Variants in SNTB1 observed in about 807,000 individuals in gnomAD.
SNTB1 encodes the protein beta-1-syntrophin.
SNTB1 carries 36 observed loss-of-function variants against 48.9 expected under a neutral mutation model. That is an observed-to-expected ratio of 0.74 (90% CI 0.56 to 0.97). The LOEUF is 0.97. Among genes scored for constraint, SNTB1 ranks in the 50% least tolerant of loss-of-function variants. SNTB1 has a pLI of 0.00. For synonymous variants in SNTB1, 299 were observed against 294.6 expected (o/e 1.01, Z -0.15); for missense variants, 786 against 703.4 (o/e 1.12, Z -1.33).
chr8:120,779,920 T>C (rs79642242), intron 1 of SNTB1, among the ~76,000 whole-genome samples: 2,793 of 152,128 alleles, frequency 0.018, 97 homozygotes, highest in African/African-American at 0.064. Flanking sequence ...GAGGGTTGTC[T>C]GCAAAAAACA....
intron 2 of SNTB1, among the ~76,000 whole-genome samples, chr8:120,658,556 G>A (rs1167170274): frequency 3.9e-5 from 6 of 152,174 alleles, no homozygotes; most frequent in Admixed American, 3.9e-4. Flanking sequence ...GCATGTAAGA[G>A]TTATGTTTAT....
intron 4 of SNTB1, among the ~76,000 whole-genome samples, chr8:120,559,950 A>AT (rs996339775): frequency 1.3e-5 from 2 of 152,210 alleles, no homozygotes; most frequent in East Asian, 3.9e-4. Context: ...AGAAAAAAAA[A>AT]ACAACTGGCC....
chr8:120,595,902 C>T (rs1816314785), intron 3 of SNTB1, among the ~76,000 whole-genome samples: 1 of 152,184 alleles, frequency 6.6e-6, no homozygotes, highest in Non-Finnish European at 1.5e-5. Flanking sequence ...TCTATGGACT[C>T]ACCCTGAATT....
intron 3 of SNTB1, among the ~76,000 whole-genome samples, chr8:120,613,015 A>G (rs1816650087): frequency 6.6e-6 from 1 of 152,190 alleles, no homozygotes; most frequent in Admixed American, 6.5e-5. Context: ...AGGCACAGGA[A>G]GAAAAATATT....
intron 1 of SNTB1, among the ~76,000 whole-genome samples, chr8:120,748,309 G>T (rs533377287): frequency 1.3e-5 from 2 of 152,010 alleles, no homozygotes; most frequent in African/African-American, 4.8e-5. Flanking sequence ...TTTTTAACTT[G>T]TTCTAAATAT....
At chr8:120,667,189 T>C (rs1014861062) in intron 2 of SNTB1, among the ~76,000 whole-genome samples, 3 of 151,326 alleles carry the variant, frequency 2.0e-5, no homozygotes, top group African/African-American at 4.9e-5. Context: ...GGCACCATCA[T>C]AGTTCACTGC....
chr8:120,771,032 A>G (rs1027953311), intron 1 of SNTB1, among the ~76,000 whole-genome samples: 1 of 152,294 alleles, frequency 6.6e-6, no homozygotes, highest in African/African-American at 2.4e-5. Flanking sequence ...TTTTTTACCC[A>G]GGAGGTTGGT....
At chr8:120,622,675 AC>A (rs1366868338) in intron 3 of SNTB1, among the ~76,000 whole-genome samples, 219 of 152,336 alleles carry the variant, frequency 1.4e-3, no homozygotes, top group African/African-American at 5.1e-3. Flanking sequence ...GGTGGCTATA[AC>A]CTTCAACATG....
chr8:120,603,891 C>T (rs1309398820), intron 3 of SNTB1, among the ~76,000 whole-genome samples: 8 of 152,138 alleles, frequency 5.3e-5, no homozygotes, highest in Non-Finnish European at 1.2e-4. Context: ...TTCCATCTCC[C>T]CAGAGGTACA....
chr8:120,609,874 A>G (rs1270218362), intron 3 of SNTB1, among the ~76,000 whole-genome samples: 1 of 152,148 alleles, frequency 6.6e-6, no homozygotes. Context: ...CCGTGGCCCA[A>G]CACTTCCTGG....
chr8:120,661,528 A>G (rs972766552), intron 2 of SNTB1, among the ~76,000 whole-genome samples: 1 of 152,152 alleles, frequency 6.6e-6, no homozygotes, highest in Non-Finnish European at 1.5e-5. Context: ...TGTGCTGAAC[A>G]TACAGGTTTG....
At chr8:120,701,658 T>C (rs1818311075) in intron 1 of SNTB1, among the ~76,000 whole-genome samples, 1 of 152,212 alleles carries the variant, frequency 6.6e-6, no homozygotes, top group Non-Finnish European at 1.5e-5. Flanking sequence ...TACTTTTTCT[T>C]AGGTTTGGCA....
At chr8:120,772,093 T>C (rs113387612) in intron 1 of SNTB1, among the ~76,000 whole-genome samples, 6,393 of 152,064 alleles carry the variant, frequency 0.042, 171 homozygotes, top group South Asian at 0.077. Context: ...TGGTTCGAAC[T>C]CCTGACCTCA....
chr8:120,629,009 A>G (rs1386138207), intron 3 of SNTB1, among the ~76,000 whole-genome samples: 3 of 152,028 alleles, frequency 2.0e-5, no homozygotes, highest in Non-Finnish European at 4.4e-5. Flanking sequence ...ATCTTCCACA[A>G]TCAAGTTCCA....
At chr8:120,742,403 G>A (rs952979664) in intron 1 of SNTB1, among the ~76,000 whole-genome samples, 11 of 152,280 alleles carry the variant, frequency 7.2e-5, no homozygotes, top group East Asian at 3.9e-4. Context: ...TGACTGGCTC[G>A]CCTGTTCTGG....
At chr8:120,807,655 T>A (rs1273191469) in intron 1 of SNTB1, among the ~76,000 whole-genome samples, 1 of 152,116 alleles carries the variant, frequency 6.6e-6, no homozygotes, top group East Asian at 1.9e-4. Context: ...GTGCATTAGG[T>A]TTTTAAGACT....
chr8:120,759,131 A>C (rs1819368708), intron 1 of SNTB1, among the ~76,000 whole-genome samples: 1 of 152,186 alleles, frequency 6.6e-6, no homozygotes, highest in Admixed American at 6.5e-5. Flanking sequence ...AATAACAACA[A>C]GGACTGAAAG....
intron 1 of SNTB1, among the ~76,000 whole-genome samples, chr8:120,795,258 C>A (rs1322160788): frequency 1.3e-4 from 20 of 149,162 alleles, no homozygotes; most frequent in Admixed American, 4.0e-4. Context: ...AAAAAAAAAA[C>A]AAAAAACAAA....
intron 3 of SNTB1, among the ~76,000 whole-genome samples, chr8:120,622,629 G>A (rs907987397): frequency 1.3e-5 from 2 of 152,296 alleles, no homozygotes; most frequent in East Asian, 1.9e-4. Flanking sequence ...TTATCAGAAT[G>A]TGAATACAGC....
Sources: allele counts gnomAD v4.1 joint callset (sites outside exome capture counted in the v4.1 genomes callset), GRCh38; gene constraint gnomAD v4.1.1; transcripts MANE v1.5; gene names NCBI Gene and HGNC (gene_info 2026-07-23, HGNC 2026-07-21).